The following TSPAN8 variants were observed in gnomAD, a reference collection of about 807,000 sequenced individuals.
TSPAN8 encodes the protein tetraspanin-8.
A neutral mutation model predicts 32.8 loss-of-function variants in TSPAN8; 21 were observed. The observed-to-expected ratio is 0.64, with a 90% CI of 0.45 to 0.92. The LOEUF is 0.92. Ranked by LOEUF, TSPAN8 falls within the 40% of genes least tolerant of loss-of-function variation. The pLI is 0.00. For missense variants in TSPAN8, 269 were observed against 281.9 expected, an observed-to-expected ratio of 0.95 and a Z score of 0.33; for synonymous variants, 95 against 94.6, an observed-to-expected ratio of 1.00 and a Z score of -0.03.
At chr12:71,153,221 C>T (rs906885386) in intron 2 of TSPAN8, among the ~76,000 whole-genome samples, 1 of 152,126 alleles carries the variant, frequency 6.6e-6, no homozygotes, top group African/African-American at 2.4e-5. Context: ...CTGAGAGGAG[C>T]ATTAAAAAAT....
At chr12:71,143,956 T>C (rs1249962410) in intron 3 of TSPAN8, among the ~76,000 whole-genome samples, 195 bp downstream of exon 3, 1 of 152,138 alleles carries the variant, frequency 6.6e-6, no homozygotes, top group African/African-American at 2.4e-5. Flanking sequence ...TTTCCACATC[T>C]AGCACAGTGC....
chr12:71,125,933 G>A (rs1405154610), intron 8 of TSPAN8, among the ~76,000 whole-genome samples: 1 of 152,064 alleles, frequency 6.6e-6, no homozygotes, highest in Admixed American at 6.6e-5. Context: ...CTTAATTCAG[G>A]AATTTCTTTT....
At chr12:71,133,848 C>A (rs1016179682) in intron 6 of TSPAN8, among the ~76,000 whole-genome samples, 81 of 152,232 alleles carry the variant, frequency 5.3e-4, no homozygotes, top group African/African-American at 1.9e-3. Context: ...AATTATCCCT[C>A]ATGTTGCTTC....
At position 71,148,029 on chromosome 12, in the gene TSPAN8, C is replaced by T. The variant is rs77092602; in HGVS notation, c.61-3816G>A. On this transcript the variant is annotated intron_variant, in intron 2 of 8. Transcript: ENST00000247829. ...TAGTGTAATCAGTCTTGGGCTTTAG[C>T]GCAGAGTAAATGTTACTAAATTGCT... Among the ~76,000 whole-genome samples, 476 of 152,212 alleles carry T rather than the reference C, an allele frequency of 3.1e-3. 1 individual carries two copies. The highest frequency in any genetic ancestry group is 6.9e-3 in the African/African-American group (286 of 41,532).
At chr12:71,139,373 C>A in intron 4 of TSPAN8, 1 of 461,848 alleles carries the variant, frequency 2.2e-6, no homozygotes, top group Admixed American at 3.3e-5. Flanking sequence ...CCCACTGTAG[C>A]TATTTGCTTA....
At chr12:71,140,480 A>G (rs2137053608) in intron 3 of TSPAN8, among the ~76,000 whole-genome samples, 1 of 152,356 alleles carries the variant, frequency 6.6e-6, no homozygotes, top group South Asian at 2.1e-4. Context: ...TTGTATCCTC[A>G]TTAAAAAGAA....
At chr12:71,135,230 AGG>A (rs1871646213) in intron 6 of TSPAN8, among the ~76,000 whole-genome samples, 16 of 57,666 alleles carry the variant, frequency 2.8e-4, no homozygotes, top group Non-Finnish European at 7.0e-4. Flanking sequence ...AGGAAGAAGA[AGG>A]AGGAGGAGGA....
chr12:71,142,420 C>T (rs1040858760), intron 3 of TSPAN8, among the ~76,000 whole-genome samples: 1 of 152,198 alleles, frequency 6.6e-6, no homozygotes, highest in East Asian at 1.9e-4. Context: ...AAAGAAAATA[C>T]CAACAGGAAG....
intron 6 of TSPAN8, among the ~76,000 whole-genome samples, chr12:71,135,115 C>A (rs1022075088): frequency 6.6e-6 from 1 of 152,026 alleles, no homozygotes; most frequent in African/African-American, 2.4e-5. Flanking sequence ...TCCAGGTCAT[C>A]CAGCCAGAGT....
At position 71,125,505 on chromosome 12, in the gene TSPAN8, T is replaced by C. The variant is rs1031754247; in HGVS notation, c.661-118A>G. ...TTTTGTATATTGACAGTTCCAATCTTATCTAACTCATCTCTCTTGGGAAAT... is the reference window on the plus strand; with the variant it reads ...TTTTGTATATTGACAGTTCCAATCTCATCTAACTCATCTCTCTTGGGAAAT... On this transcript the variant is annotated intron_variant, in intron 8 of 8. Coordinates refer to ENST00000247829, the MANE Select transcript of TSPAN8 (RefSeq NM_004616.3). The C allele has an allele frequency of 1.0e-5, 8 of 781,048 alleles. 1 individual carries two copies. The South Asian group carries it at 1.6e-4, about 16-fold the overall frequency. 48.4% of individuals were successfully genotyped at this position (781,048 alleles called of 1,614,324 possible). A position where few individuals can be genotyped will look rare whatever the true frequency, so the allele number is the denominator to read the frequency against.
In TSPAN8 at chr12:71,125,343, C is replaced by T. The variant is rs955183113; in HGVS notation, c.705G>A (p.Gly235=). ...TGATGCATCCACAGATTCATTTGTT[C>T]CCGATCTGGCAATACAGGACCATAG... ...VFSMVLYCQI[G]NK The change falls in exon 9 of 9, where the codon GGG becomes GGA. Residue 235 remains glycine, a synonymous_variant. Transcript: ENST00000247829. 1.2e-6 allele frequency: 2 copies of T among 1,612,248 alleles called. No individual in the cohort carries two copies. The highest frequency in any genetic ancestry group is 1.7e-6 in the Non-Finnish European group (2 of 1,179,298).
chr12:71,157,774 T>C lies in TSPAN8; in HGVS notation c.-96A>G, dbSNP rs1283547528. The C allele has an allele frequency of 4.4e-6, 4 of 906,414 alleles. No individual in the cohort carries two copies. In the Admixed American group the frequency reaches 7.6e-5, roughly 17 times the overall value. The allele number at this position is 906,414 out of a possible 1,614,324, so 56.1% of individuals were successfully genotyped here. A position where few individuals can be genotyped will look rare whatever the true frequency, so the allele number is the denominator to read the frequency against. Reference sequence around the variant, plus strand: ...TCTGGAGCAACTTGCCTGCAGAGATTTCTGTATCCACGGCTTCAGAGCAGA... The same window carrying C: ...TCTGGAGCAACTTGCCTGCAGAGATCTCTGTATCCACGGCTTCAGAGCAGA... On this transcript the variant is annotated 5_prime_UTR_variant, in exon 2 of 9. Transcript: ENST00000247829.
chr12:71,137,060 C>A (rs948876271), intron 6 of TSPAN8, among the ~76,000 whole-genome samples: 10 of 152,070 alleles, frequency 6.6e-5, no homozygotes, highest in Middle Eastern at 3.2e-3. Flanking sequence ...CACTTGAGGT[C>A]AGGAATTTGA....
Position 71,132,755 on chromosome 12 carries a change from A to AT in TSPAN8, c.513dup (p.Cys172MetfsTer6), listed in dbSNP as rs755221103. 1.2e-6 allele frequency: 2 copies of AT among 1,614,022 alleles called. No individual in the cohort carries two copies. Among genetic ancestry groups the AT allele is most frequent in the Admixed American group, 3.3e-5 (2 of 60,032 alleles). ...GGTCTCTGCTTATCTAGACAGGCAC[A>AT]TAATTCAGGATAGTGTTGAAAATTA... On this transcript the variant is annotated frameshift_variant, in exon 7 of 9. Transcript: ENST00000247829. LOFTEE classifies it high-confidence loss of function.
At chr12:71,129,958 T>C (rs541882747) in intron 7 of TSPAN8, among the ~76,000 whole-genome samples, 7 of 150,718 alleles carry the variant, frequency 4.6e-5, no homozygotes, top group African/African-American at 1.5e-4. Flanking sequence ...TTTCTTTTTT[T>C]TTTTTTTTCT....
intron 4 of TSPAN8, chr12:71,139,073 T>C: frequency 6.6e-6 from 3 of 456,020 alleles, no homozygotes; most frequent in South Asian, 4.6e-5. Flanking sequence ...CTCTAAGAGA[T>C]AATTCTGATT....
chr12:71,143,265 C>T (rs1476613231), intron 3 of TSPAN8, among the ~76,000 whole-genome samples: 5 of 152,098 alleles, frequency 3.3e-5, no homozygotes, highest in Non-Finnish European at 7.4e-5. Context: ...AGAATAAAAG[C>T]ACGGGAGCCA....
intron 2 of TSPAN8, among the ~76,000 whole-genome samples, chr12:71,148,692 A>G (rs1872150566): frequency 1.3e-5 from 2 of 151,522 alleles, no homozygotes; most frequent in African/African-American, 2.4e-5. Context: ...CAATATTCTG[A>G]TTTCTTATTT....
chr12:71,140,922 C>T (rs1871884288), intron 3 of TSPAN8, among the ~76,000 whole-genome samples: 1 of 152,184 alleles, frequency 6.6e-6, no homozygotes, highest in Non-Finnish European at 1.5e-5. Flanking sequence ...GCATGTAGGT[C>T]AGCTCCCTTA....
Sources: allele counts gnomAD v4.1 joint callset (sites outside exome capture counted in the v4.1 genomes callset), GRCh38; gene constraint gnomAD v4.1.1; transcripts MANE v1.5; gene names NCBI Gene and HGNC (gene_info 2026-07-23, HGNC 2026-07-21).